The following WWOX variants were observed in gnomAD, a reference collection of about 807,000 sequenced individuals.
WWOX encodes the protein WW domain-containing oxidoreductase.
WWOX carries 69 observed loss-of-function variants against 46.2 expected under a neutral mutation model. The ratio of observed to expected loss-of-function variants is 1.49; its 90% CI spans 1.23 to 1.82. The LOEUF (loss-of-function observed/expected upper bound fraction) is 1.82. WWOX is among the 40% of genes most tolerant of loss of function. WWOX has a pLI of 0.00. For missense variants in WWOX, 919 were observed against 542.6 expected (o/e 1.69, Z -6.89); for synonymous variants, 359 against 202.6 (o/e 1.77, Z -6.56).
intron 8 of WWOX, among the ~76,000 whole-genome samples, chr16:78,818,877 TG>T (rs1235370313): frequency 6.6e-6 from 1 of 152,120 alleles, no homozygotes; most frequent in Non-Finnish European, 1.5e-5. Context: ...AGAGAGGGAA[TG>T]TAAAGTGGAG....
chr16:79,173,427 C>T (rs936575496), intron 8 of WWOX, among the ~76,000 whole-genome samples: 1 of 152,090 alleles, frequency 6.6e-6, no homozygotes, highest in Non-Finnish European at 1.5e-5. Flanking sequence ...CGTGCATGAC[C>T]CAAGTGAGCA....
chr16:78,592,350 A>C (rs1443945144), intron 8 of WWOX, among the ~76,000 whole-genome samples: 1 of 152,274 alleles, frequency 6.6e-6, no homozygotes, highest in South Asian at 2.1e-4. Context: ...ACATTCAAGC[A>C]GTCACTTAAT....
chr16:79,062,628 TA>T (rs563900610), intron 8 of WWOX, among the ~76,000 whole-genome samples: 45 of 148,440 alleles, frequency 3.0e-4, no homozygotes, highest in African/African-American at 8.9e-4. Flanking sequence ...TGTTTACATT[TA>T]AAAAAAAAAG....
intron 6 of WWOX, among the ~76,000 whole-genome samples, chr16:78,423,782 A>C (rs2083008939): frequency 6.6e-6 from 1 of 151,194 alleles, no homozygotes; most frequent in Non-Finnish European, 1.5e-5. Flanking sequence ...GGAGTTTGAG[A>C]CTGCAGTGAG....
intron 8 of WWOX, among the ~76,000 whole-genome samples, chr16:78,600,931 G>A (rs2045607643): frequency 6.6e-6 from 1 of 152,144 alleles, no homozygotes; most frequent in Admixed American, 6.5e-5. Flanking sequence ...CAGGGCATCT[G>A]TAGCTTTGGA....
At chr16:79,147,627 G>T (rs888269661) in intron 8 of WWOX, among the ~76,000 whole-genome samples, 3 of 152,152 alleles carry the variant, frequency 2.0e-5, no homozygotes, top group Non-Finnish European at 2.9e-5. Flanking sequence ...GCAATTGGTG[G>T]GTTGTAGGGT....
At chr16:78,680,346 C>T (rs756436359) in intron 8 of WWOX, among the ~76,000 whole-genome samples, 2 of 151,966 alleles carry the variant, frequency 1.3e-5, no homozygotes, top group Non-Finnish European at 2.9e-5. Context: ...GAGTTCAAGA[C>T]CAGCCTGAAC....
At chr16:78,377,363 T>C (rs2151926564) in intron 5 of WWOX, among the ~76,000 whole-genome samples, 1 of 152,348 alleles carries the variant, frequency 6.6e-6, no homozygotes, top group Non-Finnish European at 1.5e-5. Context: ...AGTCATCTAT[T>C]ATTTATTTCA....
In WWOX at chr16:78,575,004, TATATATATATATATATAA is replaced by T. The variant is rs1353544371; in HGVS notation, c.1056+142270_1056+142287del. ...ATTCAATATTTATTTTTCAATTATA[TATATATATATATATATAA>T]ATATATATATATATATATATATATA... On this transcript the variant is annotated intron_variant, in intron 8 of 8. Transcript: ENST00000566780. Among the ~76,000 whole-genome samples, 16 of 13,580 alleles carry T rather than the reference TATATATATATATATATAA, an allele frequency of 1.2e-3. 4 individuals are homozygous for T. The highest frequency in any genetic ancestry group is 6.2e-3 in the South Asian group (3 of 486). The allele number at this position is 13,580 out of a possible 152,430, so 8.9% of individuals were successfully genotyped here. A position where few individuals can be genotyped will look rare whatever the true frequency, so the allele number is the denominator to read the frequency against.
chr16:78,937,050 G>C (rs1037633613), intron 8 of WWOX, among the ~76,000 whole-genome samples: 3 of 152,196 alleles, frequency 2.0e-5, no homozygotes, highest in Non-Finnish European at 4.4e-5. Context: ...GGAAAATTAA[G>C]TGGAAATATA....
chr16:78,994,118 C>G (rs1329318266), intron 8 of WWOX, among the ~76,000 whole-genome samples: 4 of 152,192 alleles, frequency 2.6e-5, no homozygotes, highest in African/African-American at 9.6e-5. Context: ...TACCTGTCAA[C>G]ATTGGATAAA....
At position 78,816,002 on chromosome 16, in the gene WWOX, C is replaced by T. The variant is rs191224700; in HGVS notation, c.1056+383250C>T. Among the ~76,000 whole-genome samples the T allele has an allele frequency of 2.5e-3, 388 of 152,320 alleles. 4 individuals carry two copies. The highest frequency in any genetic ancestry group is 9.0e-3 in the African/African-American group (375 of 41,584). ...TGTCCTTCCTGGGATATTGCTCAAT[C>T]ACCCTAGAACTGTAAGGCCAAGTGG... On this transcript the variant is annotated intron_variant, in intron 8 of 8. Transcript: ENST00000566780.
chr16:79,121,213 G>A (rs1429092724), intron 8 of WWOX, among the ~76,000 whole-genome samples: 2 of 152,198 alleles, frequency 1.3e-5, no homozygotes, highest in Non-Finnish European at 2.9e-5. Flanking sequence ...CCGGGGAGTT[G>A]ACATGGGTAT....
At chr16:78,249,782 G>A (rs981002757) in intron 5 of WWOX, among the ~76,000 whole-genome samples, 1 of 152,048 alleles carries the variant, frequency 6.6e-6, no homozygotes, top group Admixed American at 6.6e-5. Context: ...ACTAGAACGT[G>A]GCTTTTGAAC....
chr16:78,989,430 T>C (rs1182937788), intron 8 of WWOX, among the ~76,000 whole-genome samples: 2 of 152,148 alleles, frequency 1.3e-5, no homozygotes, highest in African/African-American at 4.8e-5. Context: ...ACCACAAATA[T>C]TGCATCCAGG....
At chr16:78,632,796 G>T (rs920549058) in intron 8 of WWOX, among the ~76,000 whole-genome samples, 2 of 151,862 alleles carry the variant, frequency 1.3e-5, no homozygotes, top group Admixed American at 6.6e-5. Flanking sequence ...GACCTCAGGT[G>T]ATCCACCCGC....
intron 8 of WWOX, among the ~76,000 whole-genome samples, chr16:78,972,735 T>G (rs1331286551): frequency 1.3e-5 from 2 of 152,212 alleles, no homozygotes; most frequent in Non-Finnish European, 2.9e-5. Context: ...GACTCCCACT[T>G]TATTATTTCC....
chr16:78,639,324 G>C (rs781670404), intron 8 of WWOX, among the ~76,000 whole-genome samples: 1 of 152,156 alleles, frequency 6.6e-6, no homozygotes, highest in Non-Finnish European at 1.5e-5. Flanking sequence ...CAAGGAGACC[G>C]GCACCTGGGC....
chr16:78,696,327 C>T (rs1449112331), intron 8 of WWOX, among the ~76,000 whole-genome samples: 1 of 152,140 alleles, frequency 6.6e-6, no homozygotes, highest in South Asian at 2.1e-4. Context: ...TAGGCTGCAC[C>T]TGAGTACCAG....
Sources: allele counts gnomAD v4.1 joint callset (sites outside exome capture counted in the v4.1 genomes callset), GRCh38; gene constraint gnomAD v4.1.1; transcripts MANE v1.5; gene names NCBI Gene and HGNC (gene_info 2026-07-23, HGNC 2026-07-21).